Variants in POF1B observed in about 807,000 individuals in gnomAD.
POF1B encodes POF1B actin binding protein.
POF1B carries 53 observed loss-of-function variants against 55.3 expected under a neutral mutation model. The observed-to-expected ratio is 0.96, with a 90% CI of 0.77 to 1.20. POF1B has a LOEUF of 1.20. Among genes scored for constraint, POF1B ranks in the 50% most tolerant of loss-of-function variants. The pLI is 0.00. For synonymous variants in POF1B, 188 were observed against 148.3 expected, an observed-to-expected ratio of 1.27 and a Z score of -1.95; for missense variants, 478 against 420.5, an observed-to-expected ratio of 1.14 and a Z score of -1.20.
intron 9 of POF1B, 46 bp downstream of exon 9, chrX:85,314,386 G>C (rs1395830921): frequency 5.9e-6 from 6 of 1,010,848 alleles, no homozygotes; most frequent in Admixed American, 3.0e-5. Context: ...CTAGGAAGCT[G>C]TTTGTTAGTG....
In POF1B at chrX:85,279,376, A is replaced by AC. The variant is rs112147894; in HGVS notation, c.*44_*45insG. 694 of 860,293 alleles carry AC rather than the reference A, an allele frequency of 8.1e-4. No individual in the cohort carries two copies. In the African/African-American group the frequency reaches 0.011, roughly 13 times the overall value. 70.9% of individuals were successfully genotyped at this position (860,293 alleles called of 1,213,427 possible). A position where few individuals can be genotyped will look rare whatever the true frequency, so the allele number is the denominator to read the frequency against. ...AGTACTAATGCAGAGACACACACAC[A>AC]AAAAAAAAACGGCTTTGAGTTGTAA... On this transcript the variant is annotated 3_prime_UTR_variant, in exon 17 of 17. Transcript: ENST00000262753.
At chrX:85,321,314 G>A (rs1223533271) in intron 7 of POF1B, among the ~76,000 whole-genome samples, 4 of 110,568 alleles carry the variant, frequency 3.6e-5, no homozygotes, top group Non-Finnish European at 5.7e-5. Context: ...ATGTAATACA[G>A]CATATAAACA....
Position 85,379,378 on chromosome X carries a change from T to A in POF1B, c.77A>T (p.Gln26Leu). The A allele has an allele frequency of 8.3e-7, 1 of 1,210,406 alleles. No homozygotes were observed. Among genetic ancestry groups the A allele is most frequent in the Non-Finnish European group, 1.1e-6 (1 of 895,072 alleles). ...TQQLPEVLQC[Q>L]PQHYHCYHQS... ...ATGGTAGCAGTGGTAATGCTGGGGC[T>A]GGCACTGCAGCACCTCTGGGAGCTG... Residue 26 changes from glutamine (Q) to leucine (L), a missense_variant, in exon 2 of 17, where the codon CAG (glutamine) becomes CTG (leucine). Physicochemically the swap from Gln to Leu is moderately radical, Grantham distance 113. Coordinates refer to ENST00000262753, the MANE Select transcript of POF1B (RefSeq NM_024921.4).
intron 4 of POF1B, among the ~76,000 whole-genome samples, chrX:85,355,004 A>C (rs896473899): frequency 1.2e-4 from 13 of 111,708 alleles, no homozygotes; most frequent in Non-Finnish European, 2.3e-4. Context: ...TGCCAAGAGA[A>C]TCCTAAGCCA....
At chrX:85,311,838 G>GT (rs1451397579) in intron 9 of POF1B, among the ~76,000 whole-genome samples, 1 of 111,944 alleles carries the variant, frequency 8.9e-6, no homozygotes, top group Non-Finnish European at 1.9e-5. Context: ...TCCAGCATCT[G>GT]TTTTTTCCTG....
Position 85,345,882 on chromosome X carries a change from C to T in POF1B, c.701G>A (p.Gly234Glu). Residue 234 changes from glycine (G) to glutamate (E), a missense_variant, in exon 6 of 17, where the codon GGA (glycine) becomes GAA (glutamate). By Grantham distance (98) the Gly-to-Glu change is moderately conservative. Coordinates refer to ENST00000262753, the MANE Select transcript of POF1B (RefSeq NM_024921.4). ...TACCTGCTCACAAATCTGGCTTGAT[C>T]CACTATGGCACAGTTCATTTCCAAT... The part of the protein sequence containing the change: ...THIGNELCHS[G>E]SSQICEQVII... The T allele has an allele frequency of 8.3e-7, 1 of 1,200,831 alleles. No individual in the cohort carries two copies. Among genetic ancestry groups the T allele is most frequent in the Non-Finnish European group, 1.1e-6 (1 of 889,925 alleles).
intron 7 of POF1B, among the ~76,000 whole-genome samples, chrX:85,320,424 T>C (rs772892555): frequency 1.9e-4 from 21 of 110,256 alleles, no homozygotes; most frequent in South Asian, 4.0e-4. Flanking sequence ...CCAGAATCTC[T>C]GGGACACATT....
At chrX:85,324,482 A>G (rs1427969358) in intron 7 of POF1B, among the ~76,000 whole-genome samples, 1 of 110,281 alleles carries the variant, frequency 9.1e-6, no homozygotes, top group Non-Finnish European at 1.9e-5. Context: ...GTCTTATTTG[A>G]TTTTTGTTAG....
In POF1B at chrX:85,314,459, T is replaced by A. The variant is rs1272441027; in HGVS notation, c.930A>T (p.Thr310=). ...GCAGAATGTAGCGTATTTGCTGTTTTGTAAACTCTGATAATCCTTTAGGAA... is the reference window on the plus strand; with the variant it reads ...GCAGAATGTAGCGTATTTGCTGTTTAGTAAACTCTGATAATCCTTTAGGAA... ...SLIPKGLSEF[T]KQQIRYILQM... Residue 310 remains threonine, a synonymous_variant, in exon 9 of 17, where the codon ACA becomes ACT. Transcript: ENST00000262753. 4 of 1,198,093 alleles carry A rather than the reference T, an allele frequency of 3.3e-6. No homozygotes were observed. The highest frequency in any genetic ancestry group is 4.5e-6 in the Non-Finnish European group (4 of 889,526).
intron 2 of POF1B, among the ~76,000 whole-genome samples, chrX:85,373,388 A>G (rs113169681): frequency 0.05 from 5,551 of 111,823 alleles, 299 homozygotes; most frequent in African/African-American, 0.16. Context: ...TGTACATCGT[A>G]CAATTTGTAC....
At chrX:85,345,115 G>A (rs778449923) in intron 6 of POF1B, among the ~76,000 whole-genome samples, 1 of 110,921 alleles carries the variant, frequency 9.0e-6, no homozygotes, top group East Asian at 2.9e-4. Flanking sequence ...TTTAGTAAGA[G>A]GTGCCTATGA....
chrX:85,286,627 A>G (rs746657465), intron 15 of POF1B, among the ~76,000 whole-genome samples: 1 of 111,611 alleles, frequency 9.0e-6, no homozygotes, highest in Admixed American at 9.6e-5. Flanking sequence ...GCAATTTCTA[A>G]TCAAAAGAAA....
At chrX:85,293,459 G>A (rs1348184251) in intron 15 of POF1B, among the ~76,000 whole-genome samples, 2 of 111,897 alleles carry the variant, frequency 1.8e-5, no homozygotes, top group Non-Finnish European at 3.8e-5. Context: ...ATAAGTGGGA[G>A]ATAAATGATG....
chrX:85,349,112 C>T (rs141309136), intron 5 of POF1B, among the ~76,000 whole-genome samples: 1,554 of 110,859 alleles, frequency 0.014, 29 homozygotes, highest in African/African-American at 0.048. Context: ...CAATACATAC[C>T]ATAGCAAACC....
At chrX:85,360,897 T>G (rs188646812) in intron 3 of POF1B, among the ~76,000 whole-genome samples, 3 of 110,904 alleles carry the variant, frequency 2.7e-5, no homozygotes, top group Admixed American at 9.7e-5. Flanking sequence ...TATTTTCTTC[T>G]GGCTTGTTAA....
intron 7 of POF1B, among the ~76,000 whole-genome samples, chrX:85,322,373 G>A (rs1448833858): frequency 9.0e-6 from 1 of 110,903 alleles, no homozygotes; most frequent in Non-Finnish European, 1.9e-5. Context: ...AATGGTGCTG[G>A]GAAAACTGGC....
intron 15 of POF1B, among the ~76,000 whole-genome samples, chrX:85,288,385 C>T (rs1181911842): frequency 2.7e-5 from 3 of 111,227 alleles, no homozygotes; most frequent in Non-Finnish European, 5.7e-5. Context: ...ATCCAACATA[C>T]TCCTTGGTCA....
intron 9 of POF1B, among the ~76,000 whole-genome samples, chrX:85,313,432 G>C (rs1341506523): frequency 8.9e-6 from 1 of 111,750 alleles, no homozygotes. Flanking sequence ...TATTGAGATA[G>C]TCATGTGGTT....
chrX:85,307,745 G>A (rs1932609024), intron 10 of POF1B, among the ~76,000 whole-genome samples: 1 of 111,486 alleles, frequency 9.0e-6, no homozygotes, highest in Non-Finnish European at 1.9e-5. Context: ...TTAATTTTTT[G>A]GAGAAAAATG....
Sources: allele counts gnomAD v4.1 joint callset (sites outside exome capture counted in the v4.1 genomes callset), GRCh38; gene constraint gnomAD v4.1.1; transcripts MANE v1.5; gene names NCBI Gene and HGNC (gene_info 2026-07-23, HGNC 2026-07-21).